PLCB1: variants seen among roughly 807,000 people sequenced by gnomAD.
PLCB1 encodes phospholipase C beta 1, also known as 1-phosphatidylinositol 4,5-bisphosphate phosphodiesterase beta-1.
PLCB1 carries 46 observed loss-of-function variants against 161.8 expected under a neutral mutation model. The ratio of observed to expected loss-of-function variants is 0.28; its 90% CI spans 0.22 to 0.36. PLCB1 has a LOEUF of 0.36. PLCB1 is among the 10% of genes least tolerant of loss of function. PLCB1 has a pLI of 1.00. For synonymous variants in PLCB1, 517 were observed against 503.7 expected (o/e 1.03, Z -0.35); for missense variants, 1,016 against 1,472.5 (o/e 0.69, Z 5.07).
chr20:8,335,209 A>C (rs1020967805), intron 2 of PLCB1, among the ~76,000 whole-genome samples: 1 of 152,192 alleles, frequency 6.6e-6, no homozygotes, highest in Non-Finnish European at 1.5e-5. Context: ...TACATAGTAA[A>C]AATATATATG....
chr20:8,304,162 G>T (rs1984025866), intron 2 of PLCB1, among the ~76,000 whole-genome samples: 1 of 152,170 alleles, frequency 6.6e-6, no homozygotes, highest in Admixed American at 6.5e-5. Context: ...CATTTTGTCA[G>T]TATCTCTATC....
At chr20:8,649,502 T>C (rs1361694730) in intron 7 of PLCB1, 53 bp downstream of exon 7, 3 of 1,258,328 alleles carry the variant, frequency 2.4e-6, no homozygotes, top group South Asian at 1.2e-5. Context: ...CCAAAACTCA[T>C]GTTGAAACTT....
chr20:8,501,890 TA>T (rs1983432889), intron 3 of PLCB1, among the ~76,000 whole-genome samples: 1 of 53,146 alleles, frequency 1.9e-5, no homozygotes, highest in Non-Finnish European at 4.0e-5. Context: ...TATATATATA[TA>T]TATATATATA....
chr20:8,539,334 C>G (rs1166517610), intron 3 of PLCB1, among the ~76,000 whole-genome samples: 1 of 152,144 alleles, frequency 6.6e-6, no homozygotes. Context: ...AACCATTTGT[C>G]TCTGGTTTTG....
At chr20:8,334,460 T>G (rs1704141890) in intron 2 of PLCB1, among the ~76,000 whole-genome samples, 1 of 152,202 alleles carries the variant, frequency 6.6e-6, no homozygotes, top group African/African-American at 2.4e-5. Flanking sequence ...CCGGACTTCA[T>G]AAATGTGACA....
intron 2 of PLCB1, among the ~76,000 whole-genome samples, chr20:8,210,489 T>C (rs1400843732): frequency 6.6e-6 from 1 of 152,118 alleles, no homozygotes; most frequent in Non-Finnish European, 1.5e-5. Flanking sequence ...TGTAGGAGGA[T>C]TTATTTACCA....
chr20:8,633,945 A>AT (rs1470083470), intron 4 of PLCB1, among the ~76,000 whole-genome samples: 15 of 152,122 alleles, frequency 9.9e-5, no homozygotes. Context: ...ATTCTTCTAT[A>AT]TTTTCTGTGT....
intron 3 of PLCB1, among the ~76,000 whole-genome samples, chr20:8,539,006 C>T (rs1985167588): frequency 6.6e-6 from 1 of 151,730 alleles, no homozygotes; most frequent in African/African-American, 2.4e-5. Flanking sequence ...TCAGGCTGGT[C>T]CTGAACTCCT....
intron 2 of PLCB1, among the ~76,000 whole-genome samples, chr20:8,277,083 C>A (rs1982619657): frequency 6.6e-6 from 1 of 151,266 alleles, no homozygotes; most frequent in South Asian, 2.1e-4. Flanking sequence ...TCACTGCAGC[C>A]TCCACCTCCT....
chr20:8,133,597 T>C (rs1383912768), intron 1 of PLCB1, among the ~76,000 whole-genome samples: 1 of 152,186 alleles, frequency 6.6e-6, no homozygotes, highest in Non-Finnish European at 1.5e-5. Context: ...TGACTTCCCC[T>C]TCCCCTCTAC....
At chr20:8,464,231 T>C (rs1981711771) in intron 3 of PLCB1, among the ~76,000 whole-genome samples, 1 of 152,138 alleles carries the variant, frequency 6.6e-6, no homozygotes, top group Admixed American at 6.5e-5. Flanking sequence ...TTGTATTGGG[T>C]GTTCTGAAAT....
At chr20:8,680,547 G>A (rs1030205218) in intron 9 of PLCB1, among the ~76,000 whole-genome samples, 14 of 152,102 alleles carry the variant, frequency 9.2e-5, no homozygotes, top group African/African-American at 2.7e-4. Context: ...AAAGCTTTGG[G>A]ATTGAAAAGT....
chr20:8,525,713 C>T (rs1219432891), intron 3 of PLCB1, among the ~76,000 whole-genome samples: 1 of 151,504 alleles, frequency 6.6e-6, no homozygotes, highest in African/African-American at 2.4e-5. Context: ...TTTGTGCAGT[C>T]TCTTAAAAAT....
At chr20:8,869,232 C>CTTGT (rs1478690160) in intron 31 of PLCB1, among the ~76,000 whole-genome samples, 1 of 152,012 alleles carries the variant, frequency 6.6e-6, no homozygotes, top group Non-Finnish European at 1.5e-5. Flanking sequence ...GGTACATGTG[C>CTTGT]ACAACATGCA....
chr20:8,494,915 C>T (rs576147239), intron 3 of PLCB1, among the ~76,000 whole-genome samples: 4 of 152,160 alleles, frequency 2.6e-5, no homozygotes, highest in East Asian at 1.9e-4. Flanking sequence ...AGGACTGAGC[C>T]GCATTATGTG....
chr20:8,417,744 A>AG (rs1410928613), intron 3 of PLCB1, among the ~76,000 whole-genome samples: 16 of 152,178 alleles, frequency 1.1e-4, no homozygotes, highest in African/African-American at 3.9e-4. Flanking sequence ...CTTTGTAAGG[A>AG]GACAGAATGT....
chr20:8,723,901 C>T (rs1433897495), intron 15 of PLCB1, among the ~76,000 whole-genome samples: 1 of 151,696 alleles, frequency 6.6e-6, no homozygotes, highest in Non-Finnish European at 1.5e-5. Context: ...TGTTTACCCA[C>T]CCCTGCCCAT....
chr20:8,758,100 A>T (rs555311124), intron 24 of PLCB1, among the ~76,000 whole-genome samples: 2 of 151,338 alleles, frequency 1.3e-5, no homozygotes, highest in South Asian at 4.2e-4. Flanking sequence ...TGGTTAATAA[A>T]GTAAACAAAA....
chr20:8,537,572 G>A (rs1367575608), intron 3 of PLCB1, among the ~76,000 whole-genome samples: 1 of 152,024 alleles, frequency 6.6e-6, no homozygotes, highest in Admixed American at 6.6e-5. Flanking sequence ...GGTGTGCGGG[G>A]AGCCCTTTCC....
Sources: allele counts gnomAD v4.1 joint callset (sites outside exome capture counted in the v4.1 genomes callset), GRCh38; gene constraint gnomAD v4.1.1; transcripts MANE v1.5; gene names NCBI Gene and HGNC (gene_info 2026-07-23, HGNC 2026-07-21).